The following SMC5 variants were observed in gnomAD, a reference collection of about 807,000 sequenced individuals.
The protein encoded by SMC5 is structural maintenance of chromosomes protein 5.
Under a neutral mutation model 148.3 loss-of-function variants are expected in SMC5, and 88 were observed. That is an observed-to-expected ratio of 0.59 (90% confidence interval 0.50 to 0.71). The LOEUF (loss-of-function observed/expected upper bound fraction) is 0.71, where lower values mean the gene tolerates loss of function less well. Among genes scored for constraint, SMC5 ranks in the 30% least tolerant of loss-of-function variants. The pLI, the probability that SMC5 is intolerant of heterozygous loss-of-function variation, is 0.00. For synonymous variants in SMC5, 421 were observed against 432.8 expected, an observed-to-expected ratio of 0.97 and a Z score of 0.34; for missense variants, 1,142 against 1,298.9, an observed-to-expected ratio of 0.88 and a Z score of 1.86.
chr9:70,349,319 G>A (rs368097314), intron 22 of SMC5, among the ~76,000 whole-genome samples: 4 of 152,042 alleles, frequency 2.6e-5, no homozygotes, highest in African/African-American at 2.4e-5. Flanking sequence ...CACCCCCCTC[G>A]GCCTCCCAAA....
chr9:70,303,570 AT>A (rs1361353825), intron 10 of SMC5, among the ~76,000 whole-genome samples: 28 of 152,300 alleles, frequency 1.8e-4, no homozygotes, highest in Admixed American at 4.6e-4. Flanking sequence ...GTATTCTATA[AT>A]TTAAAATAGC....
intron 4 of SMC5, 71 bp downstream of exon 4, chr9:70,277,543 A>G (rs2034624986): frequency 7.9e-7 from 1 of 1,273,120 alleles, no homozygotes; most frequent in Non-Finnish European, 1.1e-6. Flanking sequence ...CGTTGAAGGG[A>G]TATCATAATG....
At chr9:70,345,117 CAGT>C (rs1455563037) in intron 18 of SMC5, among the ~76,000 whole-genome samples, 2 of 151,820 alleles carry the variant, frequency 1.3e-5, no homozygotes, top group South Asian at 2.1e-4. Flanking sequence ...TTTCTAAAAA[CAGT>C]AGAATGTCTT....
rs1161642058 is a variant in SMC5, at chr9:70,324,038, T to C, written c.2292T>C (p.His764=). Residue 764 remains histidine (H), a synonymous_variant, in exon 17 of 25, where the codon CAT becomes CAC. Transcript: ENST00000361138. ...TNLIKICTSL[H]IQKVDLILQN... is the part of the protein sequence containing the mutation. ...GTTCCTAGATTTGTACTTCTTTGCA[T>C]ATACAAAAAGTAGATTTAATTCTCC... is the stretch of plus-strand genomic sequence containing the variant. 2.5e-6 allele frequency: 4 copies of C among 1,577,614 alleles called. No individual in the cohort carries two copies. The highest frequency in any genetic ancestry group is 3.4e-6 in the Non-Finnish European group (4 of 1,168,586).
At chr9:70,286,161 A>T in intron 7 of SMC5, 39 bp from the exon 8 acceptor site, 1 of 1,343,610 alleles carries the variant, frequency 7.4e-7, no homozygotes, top group Non-Finnish European at 1.1e-6. Flanking sequence ...ATGAGTTTTT[A>T]ACTAGCTGTC....
intron 17 of SMC5, among the ~76,000 whole-genome samples, chr9:70,324,595 T>G (rs1248050600): frequency 6.6e-6 from 1 of 152,134 alleles, no homozygotes; most frequent in East Asian, 1.9e-4. Flanking sequence ...TGCAGTACTA[T>G]TCTGACGCTA....
chr9:70,283,173 C>A (rs188254359), intron 7 of SMC5, among the ~76,000 whole-genome samples: 3 of 152,236 alleles, frequency 2.0e-5, no homozygotes, highest in African/African-American at 7.2e-5. Context: ...ACTTAAGAAC[C>A]TCTGATATGG....
chr9:70,347,880 T>C, intron 21 of SMC5, 39 bp from the exon 22 acceptor site: 1 of 1,545,558 alleles, frequency 6.5e-7, no homozygotes, highest in South Asian at 1.2e-5. Flanking sequence ...ATAGTAATAC[T>C]GCTTTTAAAT....
At position 70,298,290 on chromosome 9, in the gene SMC5, C is replaced by A. The variant is rs1318896504; in HGVS notation, c.1309+69C>A. 2.7e-6 allele frequency: 4 copies of A among 1,474,106 alleles called. No homozygotes were observed. In the Admixed American group the frequency reaches 9.0e-5, roughly 33 times the overall value. 91.3% of individuals were successfully genotyped at this position (1,474,106 alleles called of 1,614,324 possible). ...TACATCTCTGTTGATGAACTTTCTT[C>A]TGCTTCTATAATTATTTCTATAAAA... On this transcript the variant is annotated intron_variant, in intron 9 of 24. Coordinates refer to ENST00000361138, the MANE Select transcript of SMC5 (RefSeq NM_015110.4).
chr9:70,286,995 G>T (rs939501980), intron 8 of SMC5, among the ~76,000 whole-genome samples: 2 of 152,100 alleles, frequency 1.3e-5, no homozygotes, highest in Non-Finnish European at 2.9e-5. Flanking sequence ...GGGATTGCAG[G>T]CATGAGCCAC....
chr9:70,319,788 T>A (rs1241365382), intron 15 of SMC5, among the ~76,000 whole-genome samples: 2 of 152,206 alleles, frequency 1.3e-5, no homozygotes, highest in African/African-American at 4.8e-5. Flanking sequence ...AGAATACTGG[T>A]TCATCAAGTC....
intron 11 of SMC5, among the ~76,000 whole-genome samples, chr9:70,307,821 A>T (rs1046659396): frequency 3.8e-4 from 58 of 152,008 alleles, no homozygotes; most frequent in Non-Finnish European, 5.7e-4. Flanking sequence ...TACTATTTTA[A>T]TGCTCAGATT....
intron 15 of SMC5, 99 bp downstream of exon 15, chr9:70,319,062 T>G: frequency 9.4e-7 from 1 of 1,069,226 alleles, no homozygotes; most frequent in Non-Finnish European, 1.3e-6. Context: ...AAGCACGCTT[T>G]GTAGTAATTT....
intron 17 of SMC5, among the ~76,000 whole-genome samples, chr9:70,339,598 G>C (rs1260550615): frequency 6.6e-6 from 1 of 152,110 alleles, no homozygotes; most frequent in Non-Finnish European, 1.5e-5. Context: ...AGCTTCACTT[G>C]AACCAAAGAG....
chr9:70,285,806 C>T (rs770089146), intron 7 of SMC5, among the ~76,000 whole-genome samples: 3 of 152,072 alleles, frequency 2.0e-5, no homozygotes, highest in Non-Finnish European at 4.4e-5. Context: ...TATGATAGAA[C>T]TCTGCATTTG....
chr9:70,280,954 TATG>T, intron 6 of SMC5, 55 bp downstream of exon 6: 3 of 1,591,730 alleles, frequency 1.9e-6, no homozygotes, highest in Admixed American at 1.7e-5. Context: ...GCAGAGTAAT[TATG>T]ATGAAAGTAT....
intron 8 of SMC5, among the ~76,000 whole-genome samples, chr9:70,288,565 TC>T (rs1240701524): frequency 6.6e-6 from 1 of 152,088 alleles, no homozygotes; most frequent in Non-Finnish European, 1.5e-5. Context: ...TTATTTTTCA[TC>T]TTTCCTAATT....
At chr9:70,306,935 C>T (rs896986525) in intron 11 of SMC5, among the ~76,000 whole-genome samples, 3 of 152,140 alleles carry the variant, frequency 2.0e-5, no homozygotes, top group African/African-American at 7.2e-5. Flanking sequence ...AATTACAAAT[C>T]TTCACAATTT....
chr9:70,273,297 G>T (rs977591876), intron 3 of SMC5, among the ~76,000 whole-genome samples: 1 of 151,080 alleles, frequency 6.6e-6, no homozygotes, highest in Non-Finnish European at 1.5e-5. Context: ...GATTACTGTG[G>T]TTATTTATAC....
Sources: allele counts gnomAD v4.1 joint callset (sites outside exome capture counted in the v4.1 genomes callset), GRCh38; gene constraint gnomAD v4.1.1; transcripts MANE v1.5; gene names NCBI Gene and HGNC (gene_info 2026-07-23, HGNC 2026-07-21).